Variants in SYAP1 observed in about 807,000 individuals in gnomAD.
SYAP1 encodes the protein synapse associated protein 1, also known as synapse-associated protein 1.
SYAP1 carries 3 observed loss-of-function variants against 29.6 expected under a neutral mutation model. That is an observed-to-expected ratio of 0.10 (90% CI 0.05 to 0.26). The LOEUF is 0.26. SYAP1 is among the 10% of genes least tolerant of loss of function. SYAP1 has a pLI of 1.00. For missense variants in SYAP1, 217 were observed against 264.1 expected, an observed-to-expected ratio of 0.82 and a Z score of 1.24; for synonymous variants, 102 against 102.7, an observed-to-expected ratio of 0.99 and a Z score of 0.04.
intron 3 of SYAP1, 83 bp downstream of exon 3, chrX:16,736,315 GA>G: frequency 3.0e-5 from 19 of 640,427 alleles, no homozygotes; most frequent in Non-Finnish European, 4.3e-5. Flanking sequence ...GAGGGTCTGA[GA>G]ACACAAAAAT....
intron 3 of SYAP1, among the ~76,000 whole-genome samples, chrX:16,741,159 G>T (rs1392780011): frequency 1.8e-5 from 2 of 110,446 alleles, no homozygotes; most frequent in Non-Finnish European, 3.8e-5. Context: ...TTAAGGAGTT[G>T]TCCAGTTTCT....
intron 1 of SYAP1, among the ~76,000 whole-genome samples, chrX:16,731,235 TG>T (rs1926198554): frequency 8.9e-6 from 1 of 112,418 alleles, no homozygotes; most frequent in Non-Finnish European, 1.9e-5. Flanking sequence ...ATGAAATATC[TG>T]TTATTTAATA....
chrX:16,757,908 A>AAATAATAATAATAATAATAATAAT (rs749499003), intron 8 of SYAP1, among the ~76,000 whole-genome samples: 46 of 108,422 alleles, frequency 4.2e-4, no homozygotes, highest in African/African-American at 1.4e-3. Context: ...CTTCATCTCA[A>AAATAATAATAATAATAATAATAAT]AATAATAATA....
chrX:16,751,865 G>A (rs1289012880), intron 5 of SYAP1, among the ~76,000 whole-genome samples: 6 of 106,527 alleles, frequency 5.6e-5, no homozygotes, highest in East Asian at 2.9e-4. Flanking sequence ...TCATAGAGAC[G>A]GGGTTTCACC....
intron 5 of SYAP1, among the ~76,000 whole-genome samples, chrX:16,754,559 C>G (rs1298202380): frequency 9.0e-6 from 1 of 110,823 alleles, no homozygotes; most frequent in East Asian, 2.8e-4. Flanking sequence ...GAAACCCCGT[C>G]TCTACTAAAA....
At position 16,743,802 on chromosome X, in the gene SYAP1, G is replaced by C; in HGVS notation, c.537G>C (p.Glu179Asp). ...CCCTGGTCATGCTCCAGGAGGATGA[G>C]CTGCTAAGCAAGATGAGATTTGCCC... Reference protein sequence around the residue: ...PVALVMLQEDELLSKMRFALV... With the variant: ...PVALVMLQEDDLLSKMRFALV... Residue 179 changes from glutamate to aspartate, a missense_variant, in exon 5 of 9, where the codon GAG becomes GAC. Coordinates refer to ENST00000380155, the MANE Select transcript of SYAP1 (RefSeq NM_032796.4). 8.3e-7 allele frequency: 1 copy of C among 1,210,823 alleles called. No individual in the cohort carries two copies. The highest frequency in any genetic ancestry group is 1.1e-6 in the Non-Finnish European group (1 of 895,027).
chrX:16,741,112 G>A (rs1380546951), intron 3 of SYAP1, among the ~76,000 whole-genome samples: 1 of 110,865 alleles, frequency 9.0e-6, no homozygotes, highest in African/African-American at 3.3e-5. Flanking sequence ...AGGCCATGAT[G>A]TTCATCTCTC....
At chrX:16,731,153 C>T (rs1014490896) in intron 1 of SYAP1, among the ~76,000 whole-genome samples, 2 of 110,865 alleles carry the variant, frequency 1.8e-5, no homozygotes, top group African/African-American at 6.5e-5. Flanking sequence ...AATTAGTTAC[C>T]CTTTAAAAAG....
intron 3 of SYAP1, among the ~76,000 whole-genome samples, chrX:16,741,310 G>A (rs1300249281): frequency 1.8e-5 from 2 of 110,718 alleles, no homozygotes; most frequent in Non-Finnish European, 3.8e-5. Flanking sequence ...TGATCCTCCC[G>A]CCTCAGCCTC....
At chrX:16,739,476 CTTTT>C (rs760754281) in intron 3 of SYAP1, among the ~76,000 whole-genome samples, 15 of 81,520 alleles carry the variant, frequency 1.8e-4, no homozygotes, top group Non-Finnish European at 3.4e-4. Context: ...CTCTCTCTCT[CTTTT>C]TTTTTTTTTT....
intron 3 of SYAP1, among the ~76,000 whole-genome samples, chrX:16,736,751 G>A (rs1046579992): frequency 4.1e-4 from 46 of 111,604 alleles, no homozygotes; most frequent in Non-Finnish European, 6.2e-4. Flanking sequence ...CTCGTGATCC[G>A]CCCGCCTTAG....
intron 5 of SYAP1, among the ~76,000 whole-genome samples, chrX:16,751,712 A>G (rs894387493): frequency 1.3e-5 from 1 of 77,729 alleles, no homozygotes; most frequent in African/African-American, 5.1e-5. Flanking sequence ...GAGTTTCGCT[A>G]TTGTTGCCCA....
At chrX:16,757,356 A>G in intron 8 of SYAP1, 47 bp downstream of exon 8, 1 of 1,136,251 alleles carries the variant, frequency 8.8e-7, no homozygotes. Context: ...CGTCTCCCTA[A>G]TTCCAAAGCT....
chrX:16,740,572 C>T (rs752751771), intron 3 of SYAP1, among the ~76,000 whole-genome samples: 1 of 110,499 alleles, frequency 9.0e-6, no homozygotes, highest in Non-Finnish European at 1.9e-5. Context: ...GTACAGAGAA[C>T]ACCCATATAC....
intron 5 of SYAP1, among the ~76,000 whole-genome samples, chrX:16,750,352 G>A (rs1265822834): frequency 4.5e-5 from 5 of 111,719 alleles, no homozygotes; most frequent in Non-Finnish European, 7.5e-5. Context: ...CTAATTCCAA[G>A]AGACGTTACA....
At chrX:16,733,726 C>T (rs922787093) in intron 1 of SYAP1, among the ~76,000 whole-genome samples, 6 of 107,562 alleles carry the variant, frequency 5.6e-5, no homozygotes, top group African/African-American at 1.4e-4. Flanking sequence ...AGTGTAGTGG[C>T]GCAATCTCGG....
intron 7 of SYAP1, among the ~76,000 whole-genome samples, chrX:16,756,951 C>T (rs1476690657): frequency 1.8e-5 from 2 of 112,297 alleles, no homozygotes; most frequent in Admixed American, 9.5e-5. Flanking sequence ...GTGATTCAAA[C>T]TGTGAAGGAG....
intron 2 of SYAP1, 77 bp downstream of exon 2, chrX:16,735,422 A>G (rs1024954686): frequency 1.5e-6 from 1 of 674,668 alleles, no homozygotes; most frequent in East Asian, 3.5e-5. Flanking sequence ...CTTCTTATGA[A>G]CATTTTTTAA....
intron 1 of SYAP1, among the ~76,000 whole-genome samples, chrX:16,721,766 A>C (rs1925968156): frequency 9.1e-6 from 1 of 109,542 alleles, no homozygotes; most frequent in Admixed American, 9.8e-5. Flanking sequence ...CAAACTCCTG[A>C]TCTCAAGTGA....
Sources: allele counts gnomAD v4.1 joint callset (sites outside exome capture counted in the v4.1 genomes callset), GRCh38; gene constraint gnomAD v4.1.1; transcripts MANE v1.5; gene names NCBI Gene and HGNC (gene_info 2026-07-23, HGNC 2026-07-21).